The following INTS8 variants were observed in gnomAD, a reference collection of about 807,000 sequenced individuals.
INTS8 encodes the protein protein kaonashi-1.
In INTS8, 47 loss-of-function variants were observed where a neutral mutation model predicts 138.9. The observed-to-expected ratio is 0.34, with a 90% CI of 0.27 to 0.43. The LOEUF (loss-of-function observed/expected upper bound fraction) is 0.43. Ranked by LOEUF, INTS8 falls within the 20% of genes least tolerant of loss-of-function variation. The probability of loss-of-function intolerance (pLI) is 1.00; values close to 1 mark genes in which losing one functional copy is unlikely to be tolerated. For synonymous variants in INTS8, 392 were observed against 400.9 expected (o/e 0.98, Z 0.27); for missense variants, 996 against 1,173.0 (o/e 0.85, Z 2.20).
chr8:94,825,028 C>T lies in INTS8; in HGVS notation c.266C>T (p.Ala89Val), dbSNP rs1814439195. Residue 89 changes from alanine (A) to valine (V), a missense_variant, in exon 2 of 27, where the codon GCT becomes GTT. Ala to Val is a moderately conservative substitution (Grantham distance 64). Coordinates refer to ENST00000523731, the MANE Select transcript of INTS8 (RefSeq NM_017864.4). Reference protein sequence around the residue: ...RILKLLALKVAAHLKWDLDIL... With the variant: ...RILKLLALKVVAHLKWDLDIL... Reference sequence around the variant, plus strand: ...TTAAAACTACTTGCTCTTAAAGTTGCTGCACATTTGAAGTGGGACTTAGAC... The same window carrying T: ...TTAAAACTACTTGCTCTTAAAGTTGTTGCACATTTGAAGTGGGACTTAGAC... 1 of 1,611,802 alleles carries T rather than the reference C, an allele frequency of 6.2e-7. No individual in the cohort carries two copies. Among genetic ancestry groups the T allele is most frequent in the Non-Finnish European group, 8.5e-7 (1 of 1,178,404 alleles).
At chr8:94,874,197 ACTT>A (rs1265613516) in intron 22 of INTS8, among the ~76,000 whole-genome samples, 1 of 150,782 alleles carries the variant, frequency 6.6e-6, no homozygotes, top group Admixed American at 6.6e-5. Flanking sequence ...CATTTGACCT[ACTT>A]CTTCCCATTT....
chr8:94,836,850 C>T (rs1814944680), intron 7 of INTS8, among the ~76,000 whole-genome samples: 1 of 151,180 alleles, frequency 6.6e-6, no homozygotes, highest in African/African-American at 2.4e-5. Context: ...TTTTTTCTCT[C>T]TGTTTTTGTA....
At chr8:94,831,732 G>A (rs980873082) in intron 5 of INTS8, among the ~76,000 whole-genome samples, 1 of 151,830 alleles carries the variant, frequency 6.6e-6, no homozygotes, top group South Asian at 2.1e-4. Flanking sequence ...TGCCCGCCTC[G>A]GCCTCCCAAA....
rs762282399 is a variant in INTS8 at position 94,836,681 on chromosome 8, A to G, written c.861+50A>G. The G allele has an allele frequency of 6.9e-6, 8 of 1,166,204 alleles. No homozygotes were observed. The East Asian group carries it at 9.5e-5, about 14-fold the overall frequency. The allele number at this position is 1,166,204 out of a possible 1,614,324, so 72.2% of individuals were successfully genotyped here. A position where few individuals can be genotyped will look rare whatever the true frequency, so the allele number is the denominator to read the frequency against. ...TAATGTTCAGTTCTTTAAAACATCT[A>G]TACATTTTTTTGGCTTTGATTTTTC... On this transcript the variant is annotated intron_variant, in intron 7 of 26. Transcript: ENST00000523731.
At chr8:94,826,437 A>G (rs925328340) in intron 2 of INTS8, among the ~76,000 whole-genome samples, 9 of 152,184 alleles carry the variant, frequency 5.9e-5, no homozygotes, top group African/African-American at 1.7e-4. Flanking sequence ...GCCCGCCACC[A>G]TAAAGTGTAT....
rs1815888503 is a variant in INTS8, at chr8:94,859,853, A to C, written c.2076+221A>C. 4 of 464,966 alleles carry C rather than the reference A, an allele frequency of 8.6e-6. No homozygotes were observed. The Middle Eastern group carries it at 1.8e-3, about 210-fold the overall frequency. The allele number at this position is 464,966 out of a possible 1,614,324, so 28.8% of individuals were successfully genotyped here. A position where few individuals can be genotyped will look rare whatever the true frequency, so the allele number is the denominator to read the frequency against. ...CTGTAATTCATGAGCATGTAGTCAC[A>C]GATTATTTAGTTAACAGATAACACA... On this transcript the variant is annotated intron_variant, in intron 16 of 26. Coordinates refer to ENST00000523731, the MANE Select transcript of INTS8 (RefSeq NM_017864.4).
At chr8:94,862,982 C>T (rs1286458625) in intron 16 of INTS8, among the ~76,000 whole-genome samples, 3 of 152,120 alleles carry the variant, frequency 2.0e-5, no homozygotes, top group Admixed American at 6.6e-5. Context: ...TATTTTCCTA[C>T]TCATATATTA....
chr8:94,831,148 C>T (rs984281226), intron 5 of INTS8, among the ~76,000 whole-genome samples: 2 of 151,960 alleles, frequency 1.3e-5, no homozygotes, highest in African/African-American at 4.8e-5. Flanking sequence ...GAATATTACT[C>T]TGTCACCCAG....
In INTS8 at chr8:94,881,560, A is replaced by ACTT; in HGVS notation, c.*1327_*1329dup. 6.7e-7 allele frequency: 1 copy of ACTT among 1,486,964 alleles called. No individual in the cohort carries two copies. Among genetic ancestry groups the ACTT allele is most frequent in the Non-Finnish European group, 9.2e-7 (1 of 1,084,280 alleles). 92.1% of individuals were successfully genotyped at this position (1,486,964 alleles called of 1,614,324 possible). Reference sequence around the variant, plus strand: ...CAATCACAGCACTACTTTCTGTAAAACTTTAGTAGTTCAGTGATACCAGTT... The same window carrying ACTT: ...CAATCACAGCACTACTTTCTGTAAAACTTCTTTAGTAGTTCAGTGATACCAGTT... On this transcript the variant is annotated 3_prime_UTR_variant, in exon 27 of 27. Coordinates refer to ENST00000523731, the MANE Select transcript of INTS8 (RefSeq NM_017864.4).
intron 10 of INTS8, among the ~76,000 whole-genome samples, chr8:94,846,296 T>C (rs1335706215): frequency 6.6e-6 from 1 of 152,202 alleles, no homozygotes; most frequent in Non-Finnish European, 1.5e-5. Flanking sequence ...TTCTTTGAGA[T>C]GGAGTTTCTT....
At chr8:94,873,785 A>C (rs910067947) in intron 22 of INTS8, 1 of 205,552 alleles carries the variant, frequency 4.9e-6, no homozygotes, top group Admixed American at 5.5e-5. Flanking sequence ...AAAACAAAAA[A>C]CCTGCAAAAT....
Position 94,871,947 on chromosome 8 carries a change from C to T in INTS8, c.2478C>T (p.Leu826=), listed in dbSNP as rs979626007. 1.2e-6 allele frequency: 2 copies of T among 1,608,448 alleles called. No homozygotes were observed. Among genetic ancestry groups the T allele is most frequent in the African/African-American group, 1.3e-5 (1 of 74,772 alleles). The change falls in exon 21 of 27, where the codon CTC becomes CTT. Residue 826 remains leucine (L), a synonymous_variant. Coordinates refer to ENST00000523731, the MANE Select transcript of INTS8 (RefSeq NM_017864.4). ...ITVKELVRYT[L]SINPNNHSWL... Reference sequence around the variant, plus strand: ...TGAAAGAGCTAGTTCGATATACACTCAGTATAAATCCAAATAACCATTCTT... The same window carrying T: ...TGAAAGAGCTAGTTCGATATACACTTAGTATAAATCCAAATAACCATTCTT...
chr8:94,880,008 T>TAATC (rs1241237867), intron 26 of INTS8, 110 bp from the exon 27 acceptor site: 9 of 718,072 alleles, frequency 1.3e-5, no homozygotes, highest in Non-Finnish European at 1.9e-5. Context: ...GAGGTTCAGT[T>TAATC]AATCATTAAA....
chr8:94,857,978 T>C (rs1192368815), intron 15 of INTS8, among the ~76,000 whole-genome samples: 4 of 152,254 alleles, frequency 2.6e-5, no homozygotes, highest in Admixed American at 2.0e-4. Context: ...AGCCATAAAA[T>C]GCCTTCACAC....
chr8:94,826,039 A>G (rs1176144190), intron 2 of INTS8, among the ~76,000 whole-genome samples: 2 of 152,118 alleles, frequency 1.3e-5, no homozygotes, highest in Non-Finnish European at 2.9e-5. Flanking sequence ...GTTTATTTCT[A>G]GTTTTTCACT....
chr8:94,880,054 A>T, intron 26 of INTS8, 64 bp from the exon 27 acceptor site: 1 of 1,071,874 alleles, frequency 9.3e-7, no homozygotes, highest in Non-Finnish European at 1.4e-6. Context: ...GCTTTATATT[A>T]CTTGTACCAA....
rs1298140272 is a variant in INTS8 at position 94,876,105 on chromosome 8, T to C, written c.2720T>C (p.Ile907Thr). The C allele has an allele frequency of 1.2e-6, 2 of 1,610,718 alleles. No individual in the cohort carries two copies. Among genetic ancestry groups the C allele is most frequent in the East Asian group, 2.2e-5 (1 of 44,762 alleles). The stretch of plus-strand genomic sequence containing the variant: ...ATTTTATGTCAGTTCCTCAGAGAAA[T>C]TGACTACAAAACAGCGTTTAAATCT... The part of the protein sequence containing the change: ...VAILCQFLRE[I>T]DYKTAFKSLQ... Residue 907 changes from isoleucine (I) to threonine (T), a missense_variant, in exon 24 of 27, where the codon ATT becomes ACT. Transcript: ENST00000523731.
At chr8:94,858,355 A>G (rs1244256401) in intron 15 of INTS8, among the ~76,000 whole-genome samples, 1 of 152,192 alleles carries the variant, frequency 6.6e-6, no homozygotes, top group African/African-American at 2.4e-5. Flanking sequence ...ACTTTTTAGT[A>G]CCCTATAGAG....
chr8:94,844,058 T>C (rs1289940148), intron 10 of INTS8, among the ~76,000 whole-genome samples: 2 of 150,836 alleles, frequency 1.3e-5, no homozygotes, highest in Non-Finnish European at 3.0e-5. Flanking sequence ...TTTTTTGAGA[T>C]GGGGCCCCCT....
Sources: allele counts gnomAD v4.1 joint callset (sites outside exome capture counted in the v4.1 genomes callset), GRCh38; gene constraint gnomAD v4.1.1; transcripts MANE v1.5; gene names NCBI Gene and HGNC (gene_info 2026-07-23, HGNC 2026-07-21).